The following BCL11B variants were observed in gnomAD, a reference collection of about 807,000 sequenced individuals.
BCL11B encodes the protein B-cell lymphoma/leukemia 11B.
A neutral mutation model predicts 49.9 loss-of-function variants in BCL11B; 8 were observed. The ratio of observed to expected loss-of-function variants is 0.16; its 90% confidence interval spans 0.09 to 0.29. The LOEUF (loss-of-function observed/expected upper bound fraction) is 0.29, where lower values mean the gene tolerates loss of function less well. Among genes scored for constraint, BCL11B ranks in the 10% least tolerant of loss-of-function variants. The pLI is 1.00. For synonymous variants in BCL11B, 739 were observed against 637.4 expected, an observed-to-expected ratio of 1.16 and a Z score of -2.40; for missense variants, 1,006 against 1,351.0, an observed-to-expected ratio of 0.74 and a Z score of 4.00.
intron 3 of BCL11B, among the ~76,000 whole-genome samples, chr14:99,189,877 G>A (rs1349996927): frequency 6.6e-6 from 1 of 152,220 alleles, no homozygotes; most frequent in Non-Finnish European, 1.5e-5. Context: ...ATGGGCACTA[G>A]GGAATTGAAG....
chr14:99,246,862 AGAG>A (rs1218522066), intron 2 of BCL11B, among the ~76,000 whole-genome samples: 1 of 152,118 alleles, frequency 6.6e-6, no homozygotes, highest in Non-Finnish European at 1.5e-5. Flanking sequence ...GAAGGAAGTG[AGAG>A]GAGACTTGCA....
rs554863761 is a variant in BCL11B, at chr14:99,245,862, C to T, written c.427+11609G>A. 4.6e-5 allele frequency among the ~76,000 whole-genome samples: 7 copies of T among 152,218 alleles called. No individual in the cohort carries two copies. The South Asian group carries it at 1.5e-3, about 32-fold the overall frequency. On this transcript the variant is annotated intron_variant, in intron 2 of 3. Transcript: ENST00000357195. Reference sequence around the variant, plus strand: ...CTTGACCTTGGGTCTCCGCCTCCATCCATCTCCGCCGGCTGCCAGGGAAGG... The same window carrying T: ...CTTGACCTTGGGTCTCCGCCTCCATTCATCTCCGCCGGCTGCCAGGGAAGG...
chr14:99,189,881 A>G (rs1450444063), intron 3 of BCL11B, among the ~76,000 whole-genome samples: 1 of 152,182 alleles, frequency 6.6e-6, no homozygotes, highest in Non-Finnish European at 1.5e-5. Context: ...GCACTAGGGA[A>G]TTGAAGCCTA....
chr14:99,210,702 C>T (rs1233227225), intron 3 of BCL11B, among the ~76,000 whole-genome samples: 2 of 152,162 alleles, frequency 1.3e-5, no homozygotes, highest in Non-Finnish European at 2.9e-5. Context: ...GTAGGGCTTC[C>T]CACTGGGGAA....
chr14:99,226,564 C>T (rs1888167572), intron 3 of BCL11B, among the ~76,000 whole-genome samples: 1 of 152,252 alleles, frequency 6.6e-6, no homozygotes, highest in South Asian at 2.1e-4. Context: ...AATGAAACTA[C>T]AGCTTGCTTC....
At chr14:99,212,810 T>C (rs1887725880) in intron 3 of BCL11B, among the ~76,000 whole-genome samples, 1 of 152,216 alleles carries the variant, frequency 6.6e-6, no homozygotes, top group Admixed American at 6.5e-5. Flanking sequence ...TGCAGAGGGC[T>C]GATCCCAGGG....
chr14:99,209,712 TGA>T (rs1887634990), intron 3 of BCL11B, among the ~76,000 whole-genome samples: 1 of 151,988 alleles, frequency 6.6e-6, no homozygotes, highest in Non-Finnish European at 1.5e-5. Flanking sequence ...CGAGGGTGGG[TGA>T]GAGGTGAGTG....
chr14:99,226,219 C>T (rs1025550632), intron 3 of BCL11B, among the ~76,000 whole-genome samples: 3 of 152,230 alleles, frequency 2.0e-5, no homozygotes, highest in Non-Finnish European at 4.4e-5. Context: ...CAGCCCCCAT[C>T]AACACTAGGA....
chr14:99,261,825 C>T (rs191679590), intron 1 of BCL11B, among the ~76,000 whole-genome samples: 11 of 152,310 alleles, frequency 7.2e-5, no homozygotes, highest in African/African-American at 2.6e-4. Flanking sequence ...TATCAGAGGG[C>T]TGAGGCGGAT....
chr14:99,193,142 G>T (rs550986161), intron 3 of BCL11B, among the ~76,000 whole-genome samples: 2 of 152,232 alleles, frequency 1.3e-5, no homozygotes, highest in African/African-American at 2.4e-5. Flanking sequence ...TACAATTTCA[G>T]CCCCTCCCTG....
At chr14:99,236,709 A>C (rs1017004254) in intron 2 of BCL11B, among the ~76,000 whole-genome samples, 1 of 152,088 alleles carries the variant, frequency 6.6e-6, no homozygotes, top group East Asian at 1.9e-4. Flanking sequence ...CCTCTTGAGA[A>C]GCTGAAAGGG....
At chr14:99,187,778 T>TTCCTCCTCCTCCTCC (rs11281373) in intron 3 of BCL11B, among the ~76,000 whole-genome samples, 2 of 150,398 alleles carry the variant, frequency 1.3e-5, no homozygotes, top group African/African-American at 2.4e-5. Context: ...CATGCAGGCC[T>TTCCTCCTCCTCCTCC]TCCTCCTCCT....
chr14:99,190,906 A>AC (rs890484839), intron 3 of BCL11B, among the ~76,000 whole-genome samples: 2 of 86,860 alleles, frequency 2.3e-5, no homozygotes, highest in Non-Finnish European at 5.1e-5. Flanking sequence ...CTTCGGCCAC[A>AC]CGGGGGGGGT....
rs1886365384 is a variant in BCL11B at position 99,173,621 on chromosome 14, A to G, written c.*530T>C. 4.7e-6 allele frequency: 1 copy of G among 212,106 alleles called. No individual in the cohort carries two copies. Among genetic ancestry groups the G allele is most frequent in the Non-Finnish European group, 9.6e-6 (1 of 104,526 alleles). 13.1% of individuals were successfully genotyped at this position (212,106 alleles called of 1,614,324 possible). A position where few individuals can be genotyped will look rare whatever the true frequency, so the allele number is the denominator to read the frequency against. Reference sequence around the variant, plus strand: ...CACTTTTTATTTCAGGACAAAAAAAAGGAAGGAATGAAAAAGTAAACAACT... The same window carrying G: ...CACTTTTTATTTCAGGACAAAAAAAGGGAAGGAATGAAAAAGTAAACAACT... On this transcript the variant is annotated 3_prime_UTR_variant, in exon 4 of 4. Coordinates refer to ENST00000357195, the MANE Select transcript of BCL11B (RefSeq NM_138576.4).
chr14:99,199,683 TGCGC>T (rs1555378683), intron 3 of BCL11B, among the ~76,000 whole-genome samples: 4 of 73,742 alleles, frequency 5.4e-5, no homozygotes, highest in South Asian at 3.5e-4. Flanking sequence ...TGTGTGTGTG[TGCGC>T]GCGCGCGCGC....
Position 99,228,722 on chromosome 14 carries a change from G to A in BCL11B, c.640+2623C>T, listed in dbSNP as rs1888225952. Among the ~76,000 whole-genome samples, 4 of 152,186 alleles carry A rather than the reference G, an allele frequency of 2.6e-5. No individual in the cohort carries two copies. In the South Asian group the frequency reaches 8.3e-4, roughly 32 times the overall value. On this transcript the variant is annotated intron_variant, in intron 3 of 3. Transcript: ENST00000357195. This position sits in a 1 kb window ranked among gnomAD's most constrained non-coding sequence, Gnocchi z 4.8. ...GGCAGGTGCTGGATGGAGAGCCTGG[G>A]ATCAAATCCCACCTCCACCACTCCC...
intron 3 of BCL11B, among the ~76,000 whole-genome samples, chr14:99,208,188 G>C (rs2139836371): frequency 6.6e-6 from 1 of 152,276 alleles, no homozygotes; most frequent in African/African-American, 2.4e-5. Context: ...TTTAAAGCAA[G>C]AGGCGAAGGA....
intron 1 of BCL11B, among the ~76,000 whole-genome samples, chr14:99,268,526 T>G (rs1196274585): frequency 6.6e-6 from 1 of 152,100 alleles, no homozygotes; most frequent in Non-Finnish European, 1.5e-5. Flanking sequence ...CAGCCAGGGC[T>G]CCAAAGCACC....
intron 3 of BCL11B, among the ~76,000 whole-genome samples, chr14:99,187,428 T>G (rs1886885217): frequency 6.6e-6 from 1 of 152,202 alleles, no homozygotes; most frequent in South Asian, 2.1e-4. Context: ...TGAAATCTGC[T>G]TTCTGTGAAC....
Sources: allele counts gnomAD v4.1 joint callset (sites outside exome capture counted in the v4.1 genomes callset), GRCh38; gene constraint gnomAD v4.1.1; non-coding constraint Gnocchi (gnomAD v3.1); transcripts MANE v1.5; gene names NCBI Gene and HGNC (gene_info 2026-07-23, HGNC 2026-07-21).